Variants in HMGA2 observed in about 807,000 individuals in gnomAD.
The protein encoded by HMGA2 is high mobility group AT-hook 2.
In HMGA2, 8 loss-of-function variants were observed where a neutral mutation model predicts 19.1. The ratio of observed to expected loss-of-function variants is 0.42; its 90% CI spans 0.25 to 0.76. HMGA2 has a LOEUF of 0.76. HMGA2 is among the 30% of genes least tolerant of loss of function. The pLI is 0.28. For synonymous variants in HMGA2, 60 were observed against 48.8 expected (o/e 1.23, Z -0.96); for missense variants, 109 against 136.3 (o/e 0.80, Z 1.00).
At chr12:65,935,534 T>C (rs1875861073) in intron 3 of HMGA2, among the ~76,000 whole-genome samples, 1 of 152,056 alleles carries the variant, frequency 6.6e-6, no homozygotes, top group South Asian at 2.1e-4. Context: ...ATAACACACA[T>C]GCAGACATCA....
intron 3 of HMGA2, among the ~76,000 whole-genome samples, chr12:65,900,287 A>G (rs1874317691): frequency 6.6e-6 from 1 of 152,178 alleles, no homozygotes; most frequent in Admixed American, 6.5e-5. Flanking sequence ...AAATTTGTAC[A>G]TGAAGATTTT....
chr12:65,861,380 CA>C lies in HMGA2; in HGVS notation c.249+22815del, dbSNP rs560938003. Among the ~76,000 whole-genome samples, 76 of 152,016 alleles carry C rather than the reference CA, an allele frequency of 5.0e-4. 1 individual carries two copies. The highest frequency in any genetic ancestry group is 9.1e-4 in the Non-Finnish European group (62 of 67,960). ...GACTCCGTCTCAAAACAAAACAAAA[CA>C]AAACAAAACAAAAAAAGGTAATTTA... On this transcript the variant is annotated intron_variant, in intron 3 of 4. Transcript: ENST00000403681.
chr12:65,940,635 C>T (rs940911143), intron 3 of HMGA2, among the ~76,000 whole-genome samples: 4 of 152,040 alleles, frequency 2.6e-5, no homozygotes, highest in African/African-American at 9.7e-5. Context: ...ATAAGAAGCA[C>T]AGAATATGCT....
chr12:65,925,287 T>C (rs1394736233), intron 3 of HMGA2, among the ~76,000 whole-genome samples: 3 of 152,146 alleles, frequency 2.0e-5, no homozygotes, highest in Non-Finnish European at 4.4e-5. Context: ...GTGTCCCAAA[T>C]TTGAAAAAAA....
intron 3 of HMGA2, among the ~76,000 whole-genome samples, chr12:65,894,854 T>C (rs574379418): frequency 3.9e-5 from 6 of 152,262 alleles, no homozygotes; most frequent in African/African-American, 1.4e-4. Context: ...TGCTCAATTA[T>C]TTGGAAGGGA....
chr12:65,963,058 AAAC>A (rs1463863739), intron 4 of HMGA2, among the ~76,000 whole-genome samples, 184 bp from the exon 5 acceptor site: 4 of 152,070 alleles, frequency 2.6e-5, no homozygotes, highest in Admixed American at 6.6e-5. Context: ...CTCTGGGAAA[AAAC>A]AACACCTTGA....
rs1164926511 is a variant in HMGA2 at position 65,963,253 on chromosome 12, T to G, written c.291T>G (p.Thr97=). ...VVQKKPAQEE[T]EETSSQESAE... ...CCCTTTGTGTGTTCCAGGAGGAAAC[T>G]GAAGAGACATCCTCACAAGAGTCTG... Residue 97 remains threonine (T), a synonymous_variant, in exon 5 of 5, where the codon ACT becomes ACG. Transcript: ENST00000403681. 2 of 1,613,684 alleles carry G rather than the reference T, an allele frequency of 1.2e-6. No individual in the cohort carries two copies. The highest frequency in any genetic ancestry group is 1.7e-6 in the Non-Finnish European group (2 of 1,179,784).
intron 3 of HMGA2, among the ~76,000 whole-genome samples, chr12:65,868,953 A>G (rs1459238387): frequency 6.6e-6 from 1 of 152,226 alleles, no homozygotes; most frequent in Non-Finnish European, 1.5e-5. Context: ...CCAAACTGCC[A>G]ATGCATTGCG....
chr12:65,899,043 CAAAAAAAAAAAA>C (rs751128412), intron 3 of HMGA2, among the ~76,000 whole-genome samples: 2 of 25,352 alleles, frequency 7.9e-5, no homozygotes, highest in East Asian at 1.1e-3. Context: ...GACTCCGTCT[CAAAAAAAAAAAA>C]AAAAAAAAAA....
intron 3 of HMGA2, among the ~76,000 whole-genome samples, chr12:65,924,999 G>T (rs1466224362): frequency 6.6e-6 from 1 of 152,038 alleles, no homozygotes; most frequent in Non-Finnish European, 1.5e-5. Flanking sequence ...ACAGAATAAA[G>T]AAATTTCCAG....
At chr12:65,949,450 A>C (rs1222253604) in intron 3 of HMGA2, among the ~76,000 whole-genome samples, 1 of 152,150 alleles carries the variant, frequency 6.6e-6, no homozygotes, top group East Asian at 1.9e-4. Context: ...TGGTGCAAGA[A>C]AGCATGTCGC....
intron 3 of HMGA2, among the ~76,000 whole-genome samples, chr12:65,848,749 G>A (rs1158159281): frequency 6.6e-6 from 1 of 152,082 alleles, no homozygotes. Context: ...CCAGCTACTC[G>A]GGAGGCTGAG....
intron 3 of HMGA2, among the ~76,000 whole-genome samples, chr12:65,939,762 G>A (rs1206475622): frequency 3.3e-5 from 5 of 152,176 alleles, no homozygotes; most frequent in African/African-American, 1.2e-4. Flanking sequence ...ATGAACACAT[G>A]CACGGGAGCA....
chr12:65,916,454 A>G (rs1875105361), intron 3 of HMGA2, among the ~76,000 whole-genome samples: 1 of 152,152 alleles, frequency 6.6e-6, no homozygotes, highest in African/African-American at 2.4e-5. Context: ...ATTTATTTCT[A>G]ATGTGTCTGC....
intron 4 of HMGA2, chr12:65,952,131 G>A (rs553794564): frequency 2.2e-6 from 1 of 458,970 alleles, no homozygotes; most frequent in African/African-American, 1.9e-5. Flanking sequence ...TGCTAATAAT[G>A]TGAGCCAGTA....
At chr12:65,952,654 CTT>C in intron 4 of HMGA2, 1 of 469,030 alleles carries the variant, frequency 2.1e-6, no homozygotes, top group Non-Finnish European at 3.4e-6. Context: ...TAAACAAAAA[CTT>C]GACATTTTCA....
At chr12:65,858,290 A>ATG (rs1871848979) in intron 3 of HMGA2, 1 of 152,270 alleles carries the variant, frequency 6.6e-6, no homozygotes, top group African/African-American at 2.4e-5. Context: ...AGTATTCCAT[A>ATG]TGTTTTGTGA....
At chr12:65,939,251 G>T (rs895404556) in intron 3 of HMGA2, among the ~76,000 whole-genome samples, 5 of 152,170 alleles carry the variant, frequency 3.3e-5, no homozygotes, top group Non-Finnish European at 7.3e-5. Flanking sequence ...CAGCTTCTCT[G>T]ATACTGGAGC....
chr12:65,923,486 T>G (rs1331454917), intron 3 of HMGA2, among the ~76,000 whole-genome samples: 1 of 152,232 alleles, frequency 6.6e-6, no homozygotes, highest in African/African-American at 2.4e-5. Flanking sequence ...GGGACTAAGC[T>G]GGTACAGTAG....
Sources: allele counts gnomAD v4.1 joint callset (sites outside exome capture counted in the v4.1 genomes callset), GRCh38; gene constraint gnomAD v4.1.1; transcripts MANE v1.5; gene names NCBI Gene and HGNC (gene_info 2026-07-23, HGNC 2026-07-21).